The following ACTR3B variants were observed in gnomAD, a reference collection of about 807,000 sequenced individuals.
ACTR3B encodes actin-related protein 3B.
In ACTR3B, 8 loss-of-function variants were observed where a neutral mutation model predicts 59.0. That is an observed-to-expected ratio of 0.14 (90% CI 0.08 to 0.24). The LOEUF (loss-of-function observed/expected upper bound fraction) is 0.24. ACTR3B is among the 10% of genes least tolerant of loss of function. ACTR3B has a pLI of 1.00. For synonymous variants in ACTR3B, 148 were observed against 197.9 expected, an observed-to-expected ratio of 0.75 and a Z score of 2.12; for missense variants, 245 against 552.3, an observed-to-expected ratio of 0.44 and a Z score of 5.58.
At chr7:152,831,091 T>C (rs987481637) in intron 9 of ACTR3B, among the ~76,000 whole-genome samples, 10 of 152,208 alleles carry the variant, frequency 6.6e-5, no homozygotes, top group African/African-American at 2.2e-4. Flanking sequence ...CACACTAATA[T>C]TCCTCATAAC....
chr7:152,826,049 T>G (rs969512286), intron 9 of ACTR3B, among the ~76,000 whole-genome samples: 14 of 152,168 alleles, frequency 9.2e-5, no homozygotes, highest in Non-Finnish European at 4.4e-5. Context: ...GTCAGCTCAG[T>G]GGCATGACTC....
intron 9 of ACTR3B, among the ~76,000 whole-genome samples, chr7:152,847,826 T>C (rs1798474733): frequency 1.3e-5 from 2 of 152,188 alleles, no homozygotes; most frequent in Non-Finnish European, 1.5e-5. Flanking sequence ...CACTGAGACC[T>C]GAGAGAAATT....
At chr7:152,845,272 G>A (rs1177897947) in intron 9 of ACTR3B, among the ~76,000 whole-genome samples, 3 of 152,038 alleles carry the variant, frequency 2.0e-5, no homozygotes, top group African/African-American at 7.3e-5. Flanking sequence ...TGTCTCTCCT[G>A]TTCCACATTC....
intron 2 of ACTR3B, among the ~76,000 whole-genome samples, chr7:152,791,952 T>C (rs2098197944): frequency 1.3e-5 from 2 of 152,172 alleles, no homozygotes; most frequent in Non-Finnish European, 2.9e-5. Context: ...AGTGCAGTGG[T>C]GTGATCTCAG....
At chr7:152,787,933 T>A (rs911206606) in intron 2 of ACTR3B, among the ~76,000 whole-genome samples, 3 of 152,196 alleles carry the variant, frequency 2.0e-5, no homozygotes, top group African/African-American at 7.2e-5. Context: ...TTATTATTTT[T>A]ATTTTTTTGA....
chr7:152,836,193 A>G (rs1797442749), intron 9 of ACTR3B, among the ~76,000 whole-genome samples: 1 of 152,100 alleles, frequency 6.6e-6, no homozygotes, highest in Non-Finnish European at 1.5e-5. Flanking sequence ...TTTAGATTTG[A>G]AGACCAACTC....
At chr7:152,766,513 A>G (rs988844731) in intron 1 of ACTR3B, among the ~76,000 whole-genome samples, 6 of 152,212 alleles carry the variant, frequency 3.9e-5, no homozygotes, top group Non-Finnish European at 8.8e-5. Flanking sequence ...AAGATCCTAG[A>G]TACCAATTAA....
At chr7:152,796,860 GTTTTTTTTTTTTTTTT>G (rs779909545) in intron 2 of ACTR3B, among the ~76,000 whole-genome samples, 5 of 54,750 alleles carry the variant, frequency 9.1e-5, no homozygotes, top group African/African-American at 2.8e-4. Flanking sequence ...TAGTTTTTGT[GTTTTTTTTTTTTTTTT>G]TTTTTTTTTT....
intron 1 of ACTR3B, among the ~76,000 whole-genome samples, chr7:152,772,865 G>A (rs2098127456): frequency 6.6e-6 from 1 of 151,904 alleles, no homozygotes; most frequent in African/African-American, 2.4e-5. Flanking sequence ...ACATGCCATA[G>A]CAAAATTTCC....
chr7:152,851,320 T>C (rs1798784517), intron 9 of ACTR3B, among the ~76,000 whole-genome samples: 1 of 152,174 alleles, frequency 6.6e-6, no homozygotes, highest in Non-Finnish European at 1.5e-5. Context: ...GGGTGTGAGA[T>C]GATGCAGTGC....
At chr7:152,832,068 A>G (rs1185742258) in intron 9 of ACTR3B, among the ~76,000 whole-genome samples, 3 of 152,170 alleles carry the variant, frequency 2.0e-5, no homozygotes, top group Non-Finnish European at 2.9e-5. Context: ...AACCACGCGG[A>G]GGCAGGACAG....
chr7:152,836,319 G>A (rs1392290709), intron 9 of ACTR3B, among the ~76,000 whole-genome samples: 1 of 151,794 alleles, frequency 6.6e-6, no homozygotes, highest in Non-Finnish European at 1.5e-5. Flanking sequence ...TGTTAAGCTG[G>A]GTGCAGGGGC....
chr7:152,763,885 G>C (rs2098099192), intron 1 of ACTR3B, among the ~76,000 whole-genome samples: 1 of 152,200 alleles, frequency 6.6e-6, no homozygotes, highest in South Asian at 2.1e-4. Flanking sequence ...TTGTCGTTCT[G>C]TTCAAAGAAT....
intron 8 of ACTR3B, among the ~76,000 whole-genome samples, 174 bp downstream of exon 8, chr7:152,823,689 G>T (rs1442285332): frequency 6.6e-6 from 1 of 152,104 alleles, no homozygotes; most frequent in African/African-American, 2.4e-5. Context: ...TTGCCTCTCC[G>T]TAGAGCTGGT....
At chr7:152,812,017 G>GTT (rs1156557265) in intron 4 of ACTR3B, 2 of 45,462 alleles carry the variant, frequency 4.4e-5, no homozygotes, top group African/African-American at 1.9e-4. Context: ...GAAAATAAAA[G>GTT]TCTTTTTTTT....
Position 152,835,716 on chromosome 7 carries a change from C to T in ACTR3B, c.951+10594C>T, listed in dbSNP as rs546096005. Among the ~76,000 whole-genome samples, 8 of 152,276 alleles carry T rather than the reference C, an allele frequency of 5.3e-5. No individual in the cohort carries two copies. The East Asian group carries it at 9.6e-4, about 18-fold the overall frequency. ...GACCACCCTGCTCTAGACTGCACCTCGGCGCTTTTTCCCACGTCATTTTGC... is the reference window on the plus strand; with the variant it reads ...GACCACCCTGCTCTAGACTGCACCTTGGCGCTTTTTCCCACGTCATTTTGC... On this transcript the variant is annotated intron_variant, in intron 9 of 11. Coordinates refer to ENST00000256001, the MANE Select transcript of ACTR3B (RefSeq NM_020445.6).
At chr7:152,761,736 C>T (rs1398494866) in intron 1 of ACTR3B, among the ~76,000 whole-genome samples, 1 of 152,170 alleles carries the variant, frequency 6.6e-6, no homozygotes, top group Admixed American at 6.5e-5. Context: ...CCCGAATTTA[C>T]CAACTTGAGC....
intron 9 of ACTR3B, among the ~76,000 whole-genome samples, chr7:152,840,686 T>C (rs1310551260): frequency 8.9e-6 from 1 of 112,316 alleles, no homozygotes; most frequent in Admixed American, 9.6e-5. Context: ...ACTTAACACT[T>C]GTATGTTCCT....
rs1414418220 is a variant in ACTR3B, at chr7:152,779,063, T to C, written c.45-4124T>C. 4.8e-5 allele frequency among the ~76,000 whole-genome samples: 7 copies of C among 144,334 alleles called. No individual in the cohort carries two copies. In the East Asian group the frequency reaches 1.5e-3, roughly 30 times the overall value. The allele number at this position is 144,334 out of a possible 152,430, so 94.7% of individuals were successfully genotyped here. On this transcript the variant is annotated intron_variant, in intron 1 of 11. Coordinates refer to ENST00000256001, the MANE Select transcript of ACTR3B (RefSeq NM_020445.6). Reference sequence around the variant, plus strand: ...TATAGACATATCGTGCTAAATGTGGTGGGTGGAAGAAGGTTGTGGTATAAT... The same window carrying C: ...TATAGACATATCGTGCTAAATGTGGCGGGTGGAAGAAGGTTGTGGTATAAT...
Sources: allele counts gnomAD v4.1 joint callset (sites outside exome capture counted in the v4.1 genomes callset), GRCh38; gene constraint gnomAD v4.1.1; transcripts MANE v1.5; gene names NCBI Gene and HGNC (gene_info 2026-07-23, HGNC 2026-07-21).